The following CBL variants were observed in gnomAD, a reference collection of about 807,000 sequenced individuals.
The protein encoded by CBL is Cbl proto-oncogene, also known as E3 ubiquitin-protein ligase CBL.
A neutral mutation model predicts 96.9 loss-of-function variants in CBL; 45 were observed. The ratio of observed to expected loss-of-function variants is 0.46; its 90% CI spans 0.37 to 0.60. The LOEUF (loss-of-function observed/expected upper bound fraction) is 0.60. Ranked by LOEUF, CBL falls within the 20% of genes least tolerant of loss-of-function variation. CBL has a pLI of 0.00. For synonymous variants in CBL, 420 were observed against 426.8 expected (o/e 0.98, Z 0.20); for missense variants, 1,024 against 1,143.5 (o/e 0.90, Z 1.51).
At chr11:119,277,046 G>A (rs939999537) in intron 6 of CBL, among the ~76,000 whole-genome samples, 1 of 152,180 alleles carries the variant, frequency 6.6e-6, no homozygotes, top group Non-Finnish European at 1.5e-5. Context: ...AGGAGTTCAA[G>A]ACCAGCCTGG....
At chr11:119,259,374 ATGTATTGT>A (rs1300207271) in intron 2 of CBL, among the ~76,000 whole-genome samples, 2 of 151,744 alleles carry the variant, frequency 1.3e-5, no homozygotes, top group Non-Finnish European at 2.9e-5. Flanking sequence ...TTTTTCTCCC[ATGTATTGT>A]TTATTCTTAT....
At chr11:119,225,730 T>TC (rs969948584) in intron 1 of CBL, among the ~76,000 whole-genome samples, 3 of 144,660 alleles carry the variant, frequency 2.1e-5, no homozygotes, top group African/African-American at 5.1e-5. Flanking sequence ...TTTTCTTTTT[T>TC]TTTTTTTTTT....
intron 1 of CBL, among the ~76,000 whole-genome samples, chr11:119,213,957 T>C (rs900147491): frequency 8.0e-5 from 12 of 150,800 alleles, no homozygotes; most frequent in Admixed American, 6.6e-4. Flanking sequence ...CTTTTCTTTT[T>C]TTTTGAGACG....
chr11:119,257,230 A>C (rs181590936), intron 2 of CBL, among the ~76,000 whole-genome samples: 28 of 152,346 alleles, frequency 1.8e-4, no homozygotes, highest in African/African-American at 6.0e-4. Flanking sequence ...CAAATAACTA[A>C]ATGAAGCATT....
chr11:119,306,482 T>A lies in CBL; in HGVS notation c.*6701T>A. ...GAGAGGAGTATTGCTCAATGCGTGC[T>A]ATGTGCAACTCCTCAGGCCTTGTGC... On this transcript the variant is annotated 3_prime_UTR_variant, in exon 16 of 16. Coordinates refer to ENST00000264033, the MANE Select transcript of CBL (RefSeq NM_005188.4). 1 of 397,614 alleles carries A rather than the reference T, an allele frequency of 2.5e-6. No homozygotes were observed. Among genetic ancestry groups the A allele is most frequent in the Non-Finnish European group, 4.4e-6 (1 of 225,676 alleles). 24.6% of individuals were successfully genotyped at this position (397,614 alleles called of 1,614,324 possible).
chr11:119,206,659 G>A (rs1231965585), intron 1 of CBL, 47 bp downstream of exon 1: 2 of 1,523,848 alleles, frequency 1.3e-6, no homozygotes. Flanking sequence ...GGCGTGGGCG[G>A]AGGGCCGCGG....
chr11:119,253,876 A>G (rs1949690659), intron 2 of CBL, among the ~76,000 whole-genome samples: 1 of 151,102 alleles, frequency 6.6e-6, no homozygotes, highest in South Asian at 2.1e-4. Flanking sequence ...ATCATCAGCC[A>G]GTCTTGTTGG....
At position 119,302,111 on chromosome 11, in the gene CBL, CTTTG is replaced by C. The variant is rs1331447686; in HGVS notation, c.*2331_*2334del. ...TTCCTTTTTTGAGTCCTGTGTGGCTCTTTGAATCAGCGTGAAACTGAGGCTCCAG... is the reference window on the plus strand; with the variant it reads ...TTCCTTTTTTGAGTCCTGTGTGGCTCAATCAGCGTGAAACTGAGGCTCCAG... On this transcript the variant is annotated 3_prime_UTR_variant, in exon 16 of 16. Transcript: ENST00000264033. 2.1e-5 allele frequency: 5 copies of C among 232,880 alleles called. No homozygotes were observed. The highest frequency in any genetic ancestry group is 4.2e-5 in the Non-Finnish European group (5 of 117,886). 14.4% of individuals were successfully genotyped at this position (232,880 alleles called of 1,614,324 possible). A position where few individuals can be genotyped will look rare whatever the true frequency, so the allele number is the denominator to read the frequency against.
rs1331324780 is a variant in CBL at position 119,307,854 on chromosome 11, A to G, written c.*8073A>G. The G allele has an allele frequency of 4.9e-6, 1 of 205,540 alleles. No individual in the cohort carries two copies. The highest frequency in any genetic ancestry group is 2.3e-5 in the African/African-American group (1 of 43,808). The allele number at this position is 205,540 out of a possible 1,614,324, so 12.7% of individuals were successfully genotyped here. On this transcript the variant is annotated 3_prime_UTR_variant, in exon 16 of 16. Transcript: ENST00000264033. ...GTGAGATTTTCGTGGACTATTTTAA[A>G]AATGTGTCATTAATATAAAAAATTT...
chr11:119,218,052 C>A (rs1468348565), intron 1 of CBL, among the ~76,000 whole-genome samples: 1 of 152,076 alleles, frequency 6.6e-6, no homozygotes. Flanking sequence ...GCTTGGGCAA[C>A]AGAGTGAGAC....
rs1311056623 is a variant in CBL at position 119,279,223 on chromosome 11, G to A, written c.1431+510G>A. Among the ~76,000 whole-genome samples, 29 of 151,702 alleles carry A rather than the reference G, an allele frequency of 1.9e-4. 1 individual carries two copies. The highest frequency in any genetic ancestry group is 1.9e-3 in the Admixed American group (29 of 15,232). On this transcript the variant is annotated intron_variant, in intron 9 of 15. Coordinates refer to ENST00000264033, the MANE Select transcript of CBL (RefSeq NM_005188.4). Reference sequence around the variant, plus strand: ...TCTTGGCATTAGAAGGTTGGGGCTGGGCATGCCCATAGCTCATGCCTATAA... The same window carrying A: ...TCTTGGCATTAGAAGGTTGGGGCTGAGCATGCCCATAGCTCATGCCTATAA...
chr11:119,268,290 C>T (rs1949818806), intron 2 of CBL, among the ~76,000 whole-genome samples: 1 of 151,962 alleles, frequency 6.6e-6, no homozygotes, highest in Non-Finnish European at 1.5e-5. Flanking sequence ...TAATTATCAC[C>T]AAGGAGTTTG....
At chr11:119,253,334 A>G (rs1949684862) in intron 2 of CBL, among the ~76,000 whole-genome samples, 1 of 151,298 alleles carries the variant, frequency 6.6e-6, no homozygotes, top group African/African-American at 2.4e-5. Context: ...AAAGAAAATT[A>G]GAGCCATGCA....
At chr11:119,258,229 AAAAAC>A (rs1035663275) in intron 2 of CBL, among the ~76,000 whole-genome samples, 3 of 152,222 alleles carry the variant, frequency 2.0e-5, no homozygotes, top group Non-Finnish European at 2.9e-5. Flanking sequence ...TACGTCTCAA[AAAAAC>A]AAAACAAAAC....
At chr11:119,266,888 A>G (rs1949806788) in intron 2 of CBL, among the ~76,000 whole-genome samples, 1 of 152,222 alleles carries the variant, frequency 6.6e-6, no homozygotes, top group Non-Finnish European at 1.5e-5. Flanking sequence ...GGTATTTACA[A>G]AAAGTTGAAC....
chr11:119,228,202 G>A (rs1410283353), intron 1 of CBL, among the ~76,000 whole-genome samples: 2 of 152,028 alleles, frequency 1.3e-5, no homozygotes, highest in Non-Finnish European at 2.9e-5. Context: ...TGCAACCTCC[G>A]CCTCAAGCGG....
Position 119,303,182 on chromosome 11 carries a change from T to G in CBL, c.*3401T>G, listed in dbSNP as rs776234224. ...ATTCCCTTTAAGATCTAGTTCTTTT[T>G]GTAGGTGTTCAGCAATGGTGATAAA... On this transcript the variant is annotated 3_prime_UTR_variant, in exon 16 of 16. Coordinates refer to ENST00000264033, the MANE Select transcript of CBL (RefSeq NM_005188.4). 1 of 231,694 alleles carries G rather than the reference T, an allele frequency of 4.3e-6. No homozygotes were observed. Among genetic ancestry groups the G allele is most frequent in the Non-Finnish European group, 8.6e-6 (1 of 116,900 alleles). The allele number at this position is 231,694 out of a possible 1,614,324, so 14.4% of individuals were successfully genotyped here.
At chr11:119,218,976 G>GGGA (rs1404372725) in intron 1 of CBL, among the ~76,000 whole-genome samples, 1 of 152,172 alleles carries the variant, frequency 6.6e-6, no homozygotes, top group African/African-American at 2.4e-5. Context: ...CCAGCACTTT[G>GGGA]GGAGGCTAAG....
intron 11 of CBL, among the ~76,000 whole-genome samples, chr11:119,286,849 G>A (rs1294215235): frequency 6.6e-6 from 1 of 152,166 alleles, no homozygotes; most frequent in Non-Finnish European, 1.5e-5. Flanking sequence ...TCTAATGGGA[G>A]GAAGATGGAA....
Sources: allele counts gnomAD v4.1 joint callset (sites outside exome capture counted in the v4.1 genomes callset), GRCh38; gene constraint gnomAD v4.1.1; transcripts MANE v1.5; gene names NCBI Gene and HGNC (gene_info 2026-07-23, HGNC 2026-07-21).